Variants in APOOL observed in about 807,000 individuals in gnomAD.
The protein encoded by APOOL is apolipoprotein O like.
A neutral mutation model predicts 23.1 loss-of-function variants in APOOL; 12 were observed. That is an observed-to-expected ratio of 0.52 (90% CI 0.33 to 0.84). The LOEUF is 0.84. Among genes scored for constraint, APOOL ranks in the 40% least tolerant of loss-of-function variants. The pLI is 0.02. For synonymous variants in APOOL, 77 were observed against 69.9 expected (o/e 1.10, Z -0.51); for missense variants, 212 against 199.6 (o/e 1.06, Z -0.37).
intron 6 of APOOL, 22 bp from the exon 7 acceptor site, chrX:85,073,976 A>G (rs1221607655): frequency 9.6e-7 from 1 of 1,039,578 alleles, no homozygotes; most frequent in African/African-American, 1.9e-5. Context: ...ATGTTATTTG[A>G]CTTACTTTTT....
At chrX:85,017,750 C>T (rs1220444567) in intron 1 of APOOL, among the ~76,000 whole-genome samples, 1 of 111,381 alleles carries the variant, frequency 9.0e-6, no homozygotes, top group Non-Finnish European at 1.9e-5. Context: ...TTTCATGCGG[C>T]TCCTGAAATC....
At chrX:85,060,767 T>C (rs773713275) in intron 5 of APOOL, among the ~76,000 whole-genome samples, 1 of 111,625 alleles carries the variant, frequency 9.0e-6, no homozygotes, top group Admixed American at 9.6e-5. Context: ...GTATCAGCTT[T>C]AGGAGATTTT....
chrX:85,055,120 A>G (rs745370720), intron 4 of APOOL, among the ~76,000 whole-genome samples: 15 of 111,904 alleles, frequency 1.3e-4, no homozygotes, highest in Non-Finnish European at 2.4e-4. Flanking sequence ...CTGTATTTGA[A>G]TTGTCATTAT....
At chrX:85,022,734 T>C (rs1307150263) in intron 1 of APOOL, among the ~76,000 whole-genome samples, 3 of 111,675 alleles carry the variant, frequency 2.7e-5, no homozygotes, top group Non-Finnish European at 1.9e-5. Flanking sequence ...CTGGAAGTCC[T>C]ACCTAGAGCA....
chrX:85,056,901 T>G (rs1300823705), intron 5 of APOOL, among the ~76,000 whole-genome samples: 1 of 111,651 alleles, frequency 9.0e-6, no homozygotes, highest in African/African-American at 3.3e-5. Context: ...CAGTCAGACC[T>G]TCTTCCCACT....
intron 5 of APOOL, among the ~76,000 whole-genome samples, chrX:85,061,050 G>A (rs1217543917): frequency 2.7e-5 from 3 of 111,211 alleles, no homozygotes; most frequent in African/African-American, 6.6e-5. Flanking sequence ...TTTGAGATAC[G>A]TCCCATCAAT....
Position 85,013,972 on chromosome X carries a change from A to G in APOOL, c.15+10045A>G, listed in dbSNP as rs112636654. On this transcript the variant is annotated intron_variant, in intron 1 of 8. Transcript: ENST00000373173. ...GCTGTCTATCTCATTTCTTAGGTCT[A>G]GTAGGAATTGTTTTATGAATTTTGG... 4.3e-3 allele frequency among the ~76,000 whole-genome samples: 478 copies of G among 111,381 alleles called. 2 individuals are homozygous for G. The highest frequency in any genetic ancestry group is 0.015 in the African/African-American group (454 of 30,687).
At chrX:85,080,429 A>G (rs1414232028) in intron 8 of APOOL, 2 of 111,633 alleles carry the variant, frequency 1.8e-5, no homozygotes, top group Middle Eastern at 4.2e-3. Context: ...CCTGAGTTCT[A>G]ATTTGATTGC....
chrX:85,057,996 A>G (rs1923036501), intron 5 of APOOL, among the ~76,000 whole-genome samples: 1 of 111,208 alleles, frequency 9.0e-6, no homozygotes, highest in South Asian at 3.8e-4. Flanking sequence ...GTGTTTTTCA[A>G]ATTGGAGATC....
intron 6 of APOOL, among the ~76,000 whole-genome samples, chrX:85,072,959 T>C (rs765704476): frequency 8.0e-5 from 9 of 111,903 alleles, no homozygotes; most frequent in Non-Finnish European, 1.7e-4. Context: ...CCAGTACATA[T>C]AGATCTACTT....
intron 1 of APOOL, among the ~76,000 whole-genome samples, chrX:85,022,482 A>T (rs1473748343): frequency 1.8e-5 from 2 of 112,170 alleles, no homozygotes; most frequent in African/African-American, 3.2e-5. Flanking sequence ...GAAGGACAAA[A>T]GCCATATGAT....
intron 1 of APOOL, among the ~76,000 whole-genome samples, chrX:85,004,986 C>G (rs1054305295): frequency 1.8e-5 from 2 of 110,188 alleles, no homozygotes; most frequent in East Asian, 5.7e-4. Flanking sequence ...TTTACGTGCT[C>G]TTTCTCTGGG....
chrX:85,012,678 A>G (rs1324474517), intron 1 of APOOL, among the ~76,000 whole-genome samples: 1 of 112,050 alleles, frequency 8.9e-6, no homozygotes, highest in Non-Finnish European at 1.9e-5. Flanking sequence ...ATGTTAAACC[A>G]TCCCTGCCTC....
chrX:85,006,909 T>C (rs1439653156), intron 1 of APOOL, among the ~76,000 whole-genome samples: 1 of 111,662 alleles, frequency 9.0e-6, no homozygotes, highest in African/African-American at 3.3e-5. Context: ...TAACCATACT[T>C]TGTAAGAAAG....
At chrX:85,040,739 G>A (rs148210903) in intron 1 of APOOL, among the ~76,000 whole-genome samples, 1,252 of 111,274 alleles carry the variant, frequency 0.011, 23 homozygotes, top group African/African-American at 0.039. Flanking sequence ...TCTTTCTATT[G>A]GTTTTGGTTC....
chrX:85,067,732 TTCTG>T (rs780674676), intron 6 of APOOL, among the ~76,000 whole-genome samples: 17 of 110,741 alleles, frequency 1.5e-4, no homozygotes, highest in Admixed American at 1.4e-3. Context: ...CTTGTTATAG[TTCTG>T]TCTTTTTCTT....
At chrX:85,048,188 A>G (rs1464856712) in intron 2 of APOOL, among the ~76,000 whole-genome samples, 1 of 111,435 alleles carries the variant, frequency 9.0e-6, no homozygotes, top group African/African-American at 3.3e-5. Flanking sequence ...CTCCTCTTAT[A>G]TATTTGTGAG....
chrX:85,057,617 A>T (rs918990106), intron 5 of APOOL, among the ~76,000 whole-genome samples: 4 of 106,550 alleles, frequency 3.8e-5, no homozygotes, highest in African/African-American at 1.4e-4. Flanking sequence ...GATGATATAC[A>T]TATATCTCAT....
At chrX:85,062,522 T>A (rs1447658688) in intron 5 of APOOL, among the ~76,000 whole-genome samples, 1 of 112,194 alleles carries the variant, frequency 8.9e-6, no homozygotes, top group Non-Finnish European at 1.9e-5. Flanking sequence ...AAGTCATTAA[T>A]CCATCATGAG....
Sources: gnomAD v4.1 joint callset for allele counts (sites outside exome capture counted in the v4.1 genomes callset) on GRCh38, gnomAD v4.1.1 for gene constraint, MANE v1.5 for transcripts, NCBI Gene and HGNC (gene_info 2026-07-23, HGNC 2026-07-21) for gene names.